SP140L: variants seen among roughly 807,000 people sequenced by gnomAD.
The protein encoded by SP140L is nuclear body protein SP140-like protein.
A neutral mutation model predicts 84.3 loss-of-function variants in SP140L; 64 were observed. The observed-to-expected ratio is 0.76, with a 90% CI of 0.62 to 0.94. The LOEUF is 0.94. Among genes scored for constraint, SP140L ranks in the 40% least tolerant of loss-of-function variants. The probability of loss-of-function intolerance (pLI) is 0.00; values close to 1 mark genes in which losing one functional copy is unlikely to be tolerated. For synonymous variants in SP140L, 242 were observed against 236.9 expected (o/e 1.02, Z -0.20); for missense variants, 628 against 692.5 (o/e 0.91, Z 1.05).
intron 7 of SP140L, among the ~76,000 whole-genome samples, chr2:230,381,424 A>G (rs537336557): frequency 4.6e-5 from 7 of 152,346 alleles, no homozygotes; most frequent in East Asian, 1.9e-4. Context: ...CAGAAATGCC[A>G]TGGAGAATAG....
At chr2:230,400,301 G>C (rs1054560156) in intron 15 of SP140L, 59 bp downstream of exon 15, 6 of 1,510,454 alleles carry the variant, frequency 4.0e-6, no homozygotes, top group Non-Finnish European at 5.5e-6. Flanking sequence ...CCTGCCATGC[G>C]CACTCTCCAG....
intron 2 of SP140L, among the ~76,000 whole-genome samples, chr2:230,336,960 G>A (rs2059899880): frequency 6.6e-6 from 1 of 152,112 alleles, no homozygotes; most frequent in African/African-American, 2.4e-5. Context: ...CTGGTGTGTT[G>A]TATTAGTCTG....
chr2:230,383,679 C>T (rs2061480795), intron 8 of SP140L, 104 bp downstream of exon 8: 2 of 1,098,052 alleles, frequency 1.8e-6, no homozygotes, highest in Admixed American at 2.4e-5. Context: ...GAGTTCTGTA[C>T]TTCCTGTATC....
Position 230,385,285 on chromosome 2 carries a change from A to G in SP140L, c.765A>G (p.Lys255=). ...AAAAGAAGGCGAACATGAATCTGAAAGACCTTTCCAAGATTAGGGGTAAGA... is the reference window on the plus strand; with the variant it reads ...AAAAGAAGGCGAACATGAATCTGAAGGACCTTTCCAAGATTAGGGGTAAGA... ...SSEKKANMNL[K]DLSKIRGRKR... is the part of the protein sequence containing the mutation. The change falls in exon 9 of 19, where the codon AAA becomes AAG. Residue 255 remains lysine (K), a synonymous_variant. Transcript: ENST00000415673. The G allele has an allele frequency of 1.9e-6, 3 of 1,613,722 alleles. No individual in the cohort carries two copies. Among genetic ancestry groups the G allele is most frequent in the Non-Finnish European group, 2.5e-6 (3 of 1,179,722 alleles).
chr2:230,335,757 T>C (rs941725399), intron 2 of SP140L, among the ~76,000 whole-genome samples: 1 of 152,150 alleles, frequency 6.6e-6, no homozygotes, highest in African/African-American at 2.4e-5. Flanking sequence ...AGGGACGGTG[T>C]GAAGTCCAGC....
intron 2 of SP140L, among the ~76,000 whole-genome samples, chr2:230,340,062 C>G (rs1334155927): frequency 1.4e-5 from 2 of 145,360 alleles, no homozygotes; most frequent in African/African-American, 5.2e-5. Flanking sequence ...CTTTCTGTCT[C>G]GTTGATCTGT....
At chr2:230,380,841 G>T (rs1229891774) in intron 7 of SP140L, among the ~76,000 whole-genome samples, 1 of 152,128 alleles carries the variant, frequency 6.6e-6, no homozygotes, top group African/African-American at 2.4e-5. Context: ...AGTGTCCATT[G>T]TCTGAATATA....
chr2:230,336,770 C>G (rs985353965), intron 2 of SP140L, among the ~76,000 whole-genome samples: 4 of 152,160 alleles, frequency 2.6e-5, no homozygotes, highest in African/African-American at 9.7e-5. Context: ...GTCAGACTTT[C>G]CTTTCAATAT....
intron 3 of SP140L, among the ~76,000 whole-genome samples, chr2:230,358,626 A>G (rs2060620701): frequency 6.6e-6 from 1 of 152,204 alleles, no homozygotes; most frequent in South Asian, 2.1e-4. Flanking sequence ...CCAGCCAACA[A>G]AACAGCCACT....
At chr2:230,387,273 T>C (rs556643954) in intron 9 of SP140L, among the ~76,000 whole-genome samples, 67 of 152,366 alleles carry the variant, frequency 4.4e-4, no homozygotes, top group African/African-American at 1.6e-3. Flanking sequence ...TAAACTCTTC[T>C]AAAGCTCTTC....
intron 2 of SP140L, among the ~76,000 whole-genome samples, chr2:230,343,130 GC>G (rs2060109258): frequency 8.5e-6 from 1 of 117,844 alleles, no homozygotes; most frequent in African/African-American, 3.1e-5. Flanking sequence ...TGCAGGATGT[GC>G]AGGTTTGTTA....
chr2:230,366,707 T>C (rs1363001743), intron 5 of SP140L, among the ~76,000 whole-genome samples: 12 of 81,084 alleles, frequency 1.5e-4, no homozygotes, highest in African/African-American at 7.2e-4. Context: ...TGTGGATTAT[T>C]ATCTATTATT....
chr2:230,363,812 T>C (rs1255545746), intron 5 of SP140L, among the ~76,000 whole-genome samples: 1 of 152,188 alleles, frequency 6.6e-6, no homozygotes, highest in Non-Finnish European at 1.5e-5. Context: ...GGTATTAAAT[T>C]TAAATATTTA....
At position 230,385,224 on chromosome 2, in the gene SP140L, A is replaced by T; in HGVS notation, c.704A>T (p.Asp235Val). Reference protein sequence around the residue: ...TRTQKNNQQNDNSKADGQLVS... With the variant: ...TRTQKNNQQNVNSKADGQLVS... ...TACATTTTCCCTTGCCTATCCCCAG[A>T]TAACAGCAAAGCCGATGGCCAGCTG... The change falls in exon 9 of 19, where the codon GAT (aspartate) becomes GTT (valine). Residue 235 changes from aspartate to valine, a missense_variant and splice_region_variant. Around this residue, in one of 4 missense-constraint regions of SP140L, gnomAD observed 525 missense variants for 518.4 expected, o/e 1.01. Transcript: ENST00000415673. 6.2e-7 allele frequency: 1 copy of T among 1,613,586 alleles called. No homozygotes were observed. Among genetic ancestry groups the T allele is most frequent in the South Asian group, 1.1e-5 (1 of 91,056 alleles).
chr2:230,379,648 T>A (rs184048971), intron 7 of SP140L, among the ~76,000 whole-genome samples: 21 of 152,318 alleles, frequency 1.4e-4, no homozygotes, highest in Admixed American at 1.2e-3. Flanking sequence ...TAGTGAGTGA[T>A]CTCTAAGTGG....
At chr2:230,362,078 G>A (rs1377069440) in intron 5 of SP140L, among the ~76,000 whole-genome samples, 1 of 152,128 alleles carries the variant, frequency 6.6e-6, no homozygotes, top group East Asian at 1.9e-4. Context: ...ACCCTTAGGG[G>A]AAGAAAAGCT....
chr2:230,393,977 T>A (rs1295455002), intron 13 of SP140L, among the ~76,000 whole-genome samples: 3 of 152,244 alleles, frequency 2.0e-5, no homozygotes, highest in Admixed American at 1.3e-4. Context: ...TCTTTTCTGA[T>A]CTTTCACATC....
chr2:230,356,155 A>T (rs1449393294), intron 2 of SP140L, among the ~76,000 whole-genome samples: 1 of 152,224 alleles, frequency 6.6e-6, no homozygotes, highest in African/African-American at 2.4e-5. Flanking sequence ...TAAAACTAGA[A>T]AGGCCATCAC....
chr2:230,346,908 T>C (rs1313502032), intron 2 of SP140L, among the ~76,000 whole-genome samples: 1 of 152,252 alleles, frequency 6.6e-6, no homozygotes, highest in Non-Finnish European at 1.5e-5. Context: ...TTAGAGCTTA[T>C]TAATTTCTTT....
Sources: allele counts gnomAD v4.1 joint callset (sites outside exome capture counted in the v4.1 genomes callset), GRCh38; gene constraint gnomAD v4.1.1; regional missense constraint gnomAD v4.1.1; transcripts MANE v1.5; gene names NCBI Gene and HGNC (gene_info 2026-07-23, HGNC 2026-07-21).